Variants in FRMD3 observed in about 807,000 individuals in gnomAD.
The protein encoded by FRMD3 is FERM domain containing 3.
Under a neutral mutation model 70.2 loss-of-function variants are expected in FRMD3, and 33 were observed. That is an observed-to-expected ratio of 0.47 (90% CI 0.36 to 0.63). The LOEUF (loss-of-function observed/expected upper bound fraction) is 0.63. Among genes scored for constraint, FRMD3 ranks in the 20% least tolerant of loss-of-function variants. FRMD3 has a pLI of 0.00. For missense variants in FRMD3, 632 were observed against 711.4 expected (o/e 0.89, Z 1.27); for synonymous variants, 279 against 255.9 (o/e 1.09, Z -0.86).
Position 83,426,495 on chromosome 9 carries a change from C to T in FRMD3, c.148-36787G>A, listed in dbSNP as rs184689208. Among the ~76,000 whole-genome samples the T allele has an allele frequency of 2.2e-4, 33 of 152,340 alleles. 1 individual carries two copies. The highest frequency in any genetic ancestry group is 1.7e-3 in the Admixed American group (26 of 15,298). On this transcript the variant is annotated intron_variant, in intron 1 of 13. Transcript: ENST00000304195. ...GCACAAAAGAGGAGCAGGTGATGCA[C>T]GCTCTGTGTCATCGTGTCTTTTGGC...
At chr9:83,302,417 G>A (rs981109258) in intron 10 of FRMD3, among the ~76,000 whole-genome samples, 2 of 152,166 alleles carry the variant, frequency 1.3e-5, no homozygotes, top group South Asian at 2.1e-4. Flanking sequence ...TCCTATTCAC[G>A]TCTGGTTCTG....
intron 3 of FRMD3, among the ~76,000 whole-genome samples, chr9:83,357,110 C>A (rs1824372362): frequency 7.8e-6 from 1 of 128,602 alleles, no homozygotes; most frequent in South Asian, 2.2e-4. Context: ...ATCTATCCAT[C>A]ATGGTAATAT....
rs201712049 is a variant in FRMD3, at chr9:83,538,035, C to G, written c.147+50G>C. The stretch of plus-strand genomic sequence containing the variant: ...TCGCATGCCCACCGCAAAGGCCCCC[C>G]GCCCTGCTCCCGGCGTGTGCCCCGC... On this transcript the variant is annotated intron_variant, in intron 1 of 13. Transcript: ENST00000304195. This position sits in a 1 kb window ranked among gnomAD's most constrained non-coding sequence, Gnocchi z 4.7. 3.1e-6 allele frequency: 5 copies of G among 1,596,064 alleles called. No individual in the cohort carries two copies. In the East Asian group the frequency reaches 9.0e-5, roughly 29 times the overall value.
At chr9:83,561,300 A>G in the FRMD3 span, among the ~76,000 whole-genome samples, 3 of 152,030 alleles carry the variant, frequency 2.0e-5, no homozygotes, top group African/African-American at 4.8e-5. Flanking sequence ...CTCTTGCTGA[A>G]TTTTTTTTAC....
At chr9:83,366,580 C>A (rs573977570) in intron 3 of FRMD3, among the ~76,000 whole-genome samples, 4 of 151,754 alleles carry the variant, frequency 2.6e-5, no homozygotes, top group Admixed American at 2.6e-4. Context: ...TCTCAAAAAA[C>A]AAAAACAAAA....
the FRMD3 span, among the ~76,000 whole-genome samples, chr9:83,571,335 T>A: frequency 3.3e-5 from 5 of 151,900 alleles, no homozygotes; most frequent in Non-Finnish European, 5.9e-5. Flanking sequence ...GCCACCAGAG[T>A]CATAAGCCAA....
At chr9:83,307,126 T>C (rs1011007469) in intron 10 of FRMD3, among the ~76,000 whole-genome samples, 4 of 152,220 alleles carry the variant, frequency 2.6e-5, no homozygotes, top group Middle Eastern at 3.2e-3. Context: ...CCATTTTTAA[T>C]TCCCTCATAT....
intron 13 of FRMD3, among the ~76,000 whole-genome samples, chr9:83,265,864 T>A (rs939572673): frequency 1.3e-5 from 2 of 152,178 alleles, no homozygotes; most frequent in Non-Finnish European, 2.9e-5. Context: ...ACCCAACAAT[T>A]ATACTTTGAA....
chr9:83,243,323 A>ACAAT, downstream of FRMD3: 3 of 1,137,536 alleles, frequency 2.6e-6, no homozygotes, highest in Non-Finnish European at 3.9e-6. Context: ...CCCTGTAGAG[A>ACAAT]GTGGCCCAGA....
At chr9:83,362,341 A>T (rs1403498221) in intron 3 of FRMD3, among the ~76,000 whole-genome samples, 1 of 152,222 alleles carries the variant, frequency 6.6e-6, no homozygotes, top group African/African-American at 2.4e-5. Flanking sequence ...GACTATCACC[A>T]TCAAAGTCAG....
At chr9:83,294,453 G>A (rs989330416) in intron 12 of FRMD3, among the ~76,000 whole-genome samples, 1 of 152,054 alleles carries the variant, frequency 6.6e-6, no homozygotes, top group Non-Finnish European at 1.5e-5. Context: ...CTTTTTAAAG[G>A]TGCCAACTGA....
chr9:83,407,866 T>TCTCTC, intron 1 of FRMD3, among the ~76,000 whole-genome samples: 1 of 125,384 alleles, frequency 8.0e-6, no homozygotes, highest in Non-Finnish European at 1.6e-5. Flanking sequence ...TCTCTCTCTC[T>TCTCTC]CTCTCTCATC....
chr9:83,451,628 G>A (rs1827660118), intron 1 of FRMD3, among the ~76,000 whole-genome samples: 1 of 152,112 alleles, frequency 6.6e-6, no homozygotes, highest in African/African-American at 2.4e-5. Flanking sequence ...TGTGACATCA[G>A]GCTGAAGGTA....
chr9:83,422,731 T>C (rs1826681261), intron 1 of FRMD3, among the ~76,000 whole-genome samples: 1 of 152,184 alleles, frequency 6.6e-6, no homozygotes, highest in South Asian at 2.1e-4. Context: ...CACTTAGCCA[T>C]GTATCACCAG....
intron 1 of FRMD3, among the ~76,000 whole-genome samples, chr9:83,516,376 G>A (rs946960725): frequency 7.3e-5 from 11 of 151,698 alleles, no homozygotes; most frequent in African/African-American, 2.7e-4. Flanking sequence ...AGACAAAGAA[G>A]GGCATTACAT....
chr9:83,442,754 A>G (rs1827340798), intron 1 of FRMD3, among the ~76,000 whole-genome samples: 1 of 151,814 alleles, frequency 6.6e-6, no homozygotes, highest in Non-Finnish European at 1.5e-5. Context: ...AGTCCCTCAC[A>G]CAGAGTCCAC....
chr9:83,498,950 G>T (rs2131509552), intron 1 of FRMD3, among the ~76,000 whole-genome samples: 1 of 152,210 alleles, frequency 6.6e-6, no homozygotes, highest in Middle Eastern at 3.4e-3. Flanking sequence ...TAGCTCTTCA[G>T]GCTTTCGAGA....
intron 1 of FRMD3, among the ~76,000 whole-genome samples, chr9:83,447,110 G>A (rs1827500849): frequency 1.3e-5 from 2 of 152,094 alleles, no homozygotes; most frequent in South Asian, 2.1e-4. Context: ...TGCAAGCTCT[G>A]CCTCCCTGGT....
At chr9:83,558,212 A>G in the FRMD3 span, among the ~76,000 whole-genome samples, 2 of 152,244 alleles carry the variant, frequency 1.3e-5, no homozygotes, top group African/African-American at 4.8e-5. Context: ...CTGCATTTAA[A>G]TTGAAAATTA....
Sources: gnomAD v4.1 joint callset for allele counts (sites outside exome capture counted in the v4.1 genomes callset) on GRCh38, gnomAD v4.1.1 for gene constraint, Gnocchi (gnomAD v3.1) non-coding constraint, MANE v1.5 for transcripts, NCBI Gene and HGNC (gene_info 2026-07-23, HGNC 2026-07-21) for gene names.